DCAF8: variants seen among roughly 807,000 people sequenced by gnomAD.
DCAF8 encodes DDB1 and CUL4 associated factor 8.
A neutral mutation model predicts 68.0 loss-of-function variants in DCAF8; 20 were observed. The observed-to-expected ratio is 0.29, with a 90% CI of 0.21 to 0.43. The LOEUF (loss-of-function observed/expected upper bound fraction) is 0.43, where lower values mean the gene tolerates loss of function less well. DCAF8 is among the 20% of genes least tolerant of loss of function. DCAF8 has a pLI of 1.00. For synonymous variants in DCAF8, 230 were observed against 276.9 expected, an observed-to-expected ratio of 0.83 and a Z score of 1.68; for missense variants, 460 against 771.0, an observed-to-expected ratio of 0.60 and a Z score of 4.78.
intron 7 of DCAF8, among the ~76,000 whole-genome samples, chr1:160,226,651 T>TA (rs1333241668): frequency 6.6e-6 from 1 of 152,234 alleles, no homozygotes; most frequent in Non-Finnish European, 1.5e-5. Context: ...GGCCACTTTC[T>TA]AAAAATCCTT....
intron 7 of DCAF8, among the ~76,000 whole-genome samples, chr1:160,227,102 A>G (rs991268929): frequency 1.5e-4 from 23 of 152,196 alleles, no homozygotes; most frequent in African/African-American, 5.1e-4. Context: ...GGTTCACATA[A>G]TATTTGTACT....
chr1:160,246,675 T>C (rs1656354027), intron 2 of DCAF8, among the ~76,000 whole-genome samples: 1 of 152,040 alleles, frequency 6.6e-6, no homozygotes, highest in African/African-American at 2.4e-5. Flanking sequence ...GTGTCAAGTA[T>C]AGGAGCCACT....
Position 160,224,559 on chromosome 1 carries a change from A to G in DCAF8, c.1202-10T>C. On this transcript the variant is annotated splice_polypyrimidine_tract_variant and intron_variant, in intron 9 of 13. Coordinates refer to ENST00000368074, the MANE Select transcript of DCAF8 (RefSeq NM_015726.4). Reference sequence around the variant, plus strand: ...TAACTGGCCAGGAGCTCTGCCAAGAACAAGAACATAGCAGTGAAGGCAAAG... The same window carrying G: ...TAACTGGCCAGGAGCTCTGCCAAGAGCAAGAACATAGCAGTGAAGGCAAAG... 2 of 1,607,082 alleles carry G rather than the reference A, an allele frequency of 1.2e-6. No individual in the cohort carries two copies. Among genetic ancestry groups the G allele is most frequent in the East Asian group, 4.5e-5 (2 of 44,842 alleles).
At chr1:160,230,433 G>A (rs1430759462) in intron 7 of DCAF8, among the ~76,000 whole-genome samples, 1 of 152,130 alleles carries the variant, frequency 6.6e-6, no homozygotes, top group Non-Finnish European at 1.5e-5. Flanking sequence ...AATACATATG[G>A]AGACTGAATC....
Position 160,245,451 on chromosome 1 carries a change from T to C in DCAF8, c.-26-1417A>G, listed in dbSNP as rs76356320. Among the ~76,000 whole-genome samples, 1,411 of 152,320 alleles carry C rather than the reference T, an allele frequency of 9.3e-3. 26 individuals are homozygous for C. Among genetic ancestry groups the C allele is most frequent in the African/African-American group, 0.031 (1,281 of 41,564 alleles). The stretch of plus-strand genomic sequence containing the variant: ...ATTATTCCAGAAGCAGCCTCATCCT[T>C]ATCTTTTCCTCCGCTACCCTCTATA... On this transcript the variant is annotated intron_variant, in intron 2 of 13. Coordinates refer to ENST00000368074, the MANE Select transcript of DCAF8 (RefSeq NM_015726.4).
chr1:160,225,564 C>T, intron 8 of DCAF8, 27 bp downstream of exon 8: 3 of 1,589,420 alleles, frequency 1.9e-6, no homozygotes, highest in Non-Finnish European at 2.6e-6. Context: ...GGGAAGCCTG[C>T]AGCAACTGGC....
intron 1 of DCAF8, chr1:160,261,965 G>A (rs1657113003): frequency 5.7e-6 from 1 of 176,136 alleles, no homozygotes; most frequent in South Asian, 2.0e-4. Flanking sequence ...GGGACACATT[G>A]CGCGGTGGCC....
chr1:160,239,222 T>C (rs1352342242), intron 4 of DCAF8: 3 of 1,113,998 alleles, frequency 2.7e-6, no homozygotes, highest in Non-Finnish European at 3.3e-6. Context: ...CAGTATAAGC[T>C]AACATTTATC....
intron 11 of DCAF8, among the ~76,000 whole-genome samples, chr1:160,221,508 C>A (rs1655295580): frequency 6.6e-6 from 1 of 152,026 alleles, no homozygotes; most frequent in South Asian, 2.1e-4. Flanking sequence ...TTTGAAATAC[C>A]CTTTCACCAG....
intron 11 of DCAF8, 101 bp from the exon 12 acceptor site, chr1:160,219,069 T>C: frequency 6.6e-7 from 1 of 1,507,844 alleles, no homozygotes; most frequent in Non-Finnish European, 8.9e-7. Flanking sequence ...TGATCAGGGC[T>C]GAGGCAGCTG....
intron 6 of DCAF8, among the ~76,000 whole-genome samples, chr1:160,236,604 G>A (rs9633341): frequency 0.44 from 66,269 of 151,896 alleles, 15,490 homozygotes; most frequent in South Asian, 0.62. Context: ...GGTCTGCCTG[G>A]ATCCAAACAA....
chr1:160,218,801 G>GT, intron 12 of DCAF8, 48 bp downstream of exon 12: 1 of 1,610,610 alleles, frequency 6.2e-7, no homozygotes, highest in Non-Finnish European at 8.5e-7. Flanking sequence ...AGAATCAACA[G>GT]TATGTGGATA....
At position 160,218,470 on chromosome 1, in the gene DCAF8, G is replaced by A. The variant is rs1287793587; in HGVS notation, c.1561-30C>T. On this transcript the variant is annotated intron_variant, in intron 12 of 13. Transcript: ENST00000368074. The stretch of plus-strand genomic sequence containing the variant: ...AACCCAAAAAGGTTGGGAAGAGGGG[G>A]CAGCAATGAAGAGGAACCCGGGACC... 3.2e-6 allele frequency: 5 copies of A among 1,561,060 alleles called. 1 individual carries two copies. In the East Asian group the frequency reaches 6.7e-5, roughly 21 times the overall value.
intron 10 of DCAF8, 139 bp from the exon 11 acceptor site, chr1:160,222,920 C>A: frequency 8.0e-7 from 1 of 1,247,810 alleles, no homozygotes; most frequent in Non-Finnish European, 1.1e-6. Flanking sequence ...ATAGGAATCA[C>A]ACCAGTCCCA....
At chr1:160,246,609 C>T (rs1329814202) in intron 2 of DCAF8, among the ~76,000 whole-genome samples, 1 of 152,052 alleles carries the variant, frequency 6.6e-6, no homozygotes, top group Non-Finnish European at 1.5e-5. Context: ...CTGGGCAGAA[C>T]TGTGAGACCC....
At chr1:160,246,755 G>A (rs1656356997) in intron 2 of DCAF8, among the ~76,000 whole-genome samples, 1 of 152,116 alleles carries the variant, frequency 6.6e-6, no homozygotes, top group South Asian at 2.1e-4. Flanking sequence ...GCCGAGGCAG[G>A]AGTTGGAGAC....
chr1:160,230,497 T>C (rs16831650), intron 7 of DCAF8, among the ~76,000 whole-genome samples: 2,124 of 152,194 alleles, frequency 0.014, 58 homozygotes, highest in African/African-American at 0.048. Flanking sequence ...TAACAAAAGG[T>C]GTTCACGGTA....
At chr1:160,239,212 C>T in intron 4 of DCAF8, 7 of 1,091,390 alleles carry the variant, frequency 6.4e-6, no homozygotes, top group Non-Finnish European at 7.8e-6. Flanking sequence ...AGAATAACAA[C>T]AGTATAAGCT....
rs1051698705 is a variant in DCAF8, at chr1:160,218,348, G to C, written c.1653C>G (p.His551Gln). ...CCCGGTGATGGCGTCTCTGTCTCAG[G>C]TGATGCATAAGGAACCACAGCATGT... is the stretch of plus-strand genomic sequence containing the variant. ...DSHMLWFLMH[H>Q]LRQRRHHRRW... The change falls in exon 13 of 14, where the codon CAC becomes CAG. Residue 551 changes from histidine to glutamine, a missense_variant. His to Gln is a conservative substitution (Grantham distance 24). This residue lies in a region of DCAF8 where 80 missense variants were observed against 115.1 expected (regional missense o/e 0.70). Coordinates refer to ENST00000368074, the MANE Select transcript of DCAF8 (RefSeq NM_015726.4). 6.2e-7 allele frequency: 1 copy of C among 1,614,060 alleles called. No individual in the cohort carries two copies. Among genetic ancestry groups the C allele is most frequent in the East Asian group, 2.2e-5 (1 of 44,888 alleles).
Sources: gnomAD v4.1 joint callset for allele counts (sites outside exome capture counted in the v4.1 genomes callset) on GRCh38, gnomAD v4.1.1 for gene constraint, gnomAD v4.1.1 regional missense constraint, MANE v1.5 for transcripts, NCBI Gene and HGNC (gene_info 2026-07-23, HGNC 2026-07-21) for gene names.